Variants in TMEM117 observed in about 807,000 individuals in gnomAD.
TMEM117 encodes transmembrane protein 117.
Under a neutral mutation model 52.4 loss-of-function variants are expected in TMEM117, and 27 were observed. The ratio of observed to expected loss-of-function variants is 0.51; its 90% CI spans 0.38 to 0.71. TMEM117 has a LOEUF of 0.71. Ranked by LOEUF, TMEM117 falls within the 30% of genes least tolerant of loss-of-function variation. The pLI is 0.00. For missense variants in TMEM117, 556 were observed against 630.5 expected, an observed-to-expected ratio of 0.88 and a Z score of 1.26; for synonymous variants, 215 against 206.3, an observed-to-expected ratio of 1.04 and a Z score of -0.36.
At chr12:43,902,981 A>T (rs1226901609) in intron 2 of TMEM117, among the ~76,000 whole-genome samples, 1 of 152,090 alleles carries the variant, frequency 6.6e-6, no homozygotes, top group Non-Finnish European at 1.5e-5. Context: ...TTTCTGGTTG[A>T]CCTTTTCTGG....
chr12:44,245,710 A>C (rs1472001388), intron 5 of TMEM117, among the ~76,000 whole-genome samples: 1 of 151,990 alleles, frequency 6.6e-6, no homozygotes, highest in Non-Finnish European at 1.5e-5. Context: ...ATTTAAGGAA[A>C]AAGCTTAGGG....
At chr12:43,802,607 C>A in the TMEM117 span, 1 of 622,354 alleles carries the variant, frequency 1.6e-6, no homozygotes, top group Non-Finnish European at 2.8e-6. Context: ...AATGTGGTAA[C>A]ATAGAAAGTA....
At chr12:44,298,206 C>T (rs1950792731) in intron 5 of TMEM117, among the ~76,000 whole-genome samples, 1 of 150,464 alleles carries the variant, frequency 6.6e-6, no homozygotes, top group Non-Finnish European at 1.5e-5. Context: ...ACACTATGTA[C>T]AATTGAAAAG....
chr12:44,322,681 G>A (rs932797928), intron 6 of TMEM117, among the ~76,000 whole-genome samples: 1 of 152,062 alleles, frequency 6.6e-6, no homozygotes, highest in Admixed American at 6.6e-5. Flanking sequence ...TTTAATTTTA[G>A]TCTCACGATG....
chr12:43,984,261 G>A (rs531080852), intron 3 of TMEM117, among the ~76,000 whole-genome samples: 16 of 152,072 alleles, frequency 1.1e-4, no homozygotes, highest in Admixed American at 4.6e-4. Context: ...CCAGCTATTC[G>A]GGAGGCTGAG....
At chr12:44,061,596 A>G (rs868831484) in intron 3 of TMEM117, among the ~76,000 whole-genome samples, 3 of 152,122 alleles carry the variant, frequency 2.0e-5, no homozygotes, top group Non-Finnish European at 4.4e-5. Context: ...ATCCCCACAC[A>G]TTTCCGTAAC....
chr12:44,124,052 A>C (rs1400013144), intron 3 of TMEM117, among the ~76,000 whole-genome samples: 1 of 150,950 alleles, frequency 6.6e-6, no homozygotes, highest in Non-Finnish European at 1.5e-5. Context: ...TTTTTTTTCC[A>C]TTTGTTTTAG....
At chr12:44,374,616 T>TTGTGTG (rs5742462) in intron 6 of TMEM117, among the ~76,000 whole-genome samples, 5,951 of 144,836 alleles carry the variant, frequency 0.041, 123 homozygotes, top group Non-Finnish European at 0.046. Flanking sequence ...AAGGAACTAT[T>TTGTGTG]TGTGTGTGTG....
intron 2 of TMEM117, among the ~76,000 whole-genome samples, chr12:43,887,383 C>T (rs1944016094): frequency 6.6e-6 from 1 of 152,126 alleles, no homozygotes; most frequent in African/African-American, 2.4e-5. Context: ...GTGCAATGTA[C>T]ACAAAACTGA....
intron 5 of TMEM117, among the ~76,000 whole-genome samples, chr12:44,272,708 A>G (rs540901991): frequency 3.9e-5 from 6 of 152,336 alleles, no homozygotes; most frequent in Non-Finnish European, 7.3e-5. Context: ...GATCATTAAA[A>G]AGTCAGGAAA....
chr12:43,801,843 A>G, the TMEM117 span, among the ~76,000 whole-genome samples: 1 of 152,140 alleles, frequency 6.6e-6, no homozygotes, highest in Non-Finnish European at 1.5e-5. Flanking sequence ...CAGCCTGGGC[A>G]ACACAGTGAA....
chr12:43,947,663 C>A (rs1945154962), intron 3 of TMEM117, among the ~76,000 whole-genome samples: 1 of 152,214 alleles, frequency 6.6e-6, no homozygotes, highest in African/African-American at 2.4e-5. Flanking sequence ...GGATTCTTTA[C>A]ACTGAATCTC....
intron 6 of TMEM117, among the ~76,000 whole-genome samples, chr12:44,300,689 T>C (rs1254459184): frequency 1.3e-5 from 2 of 152,258 alleles, no homozygotes; most frequent in African/African-American, 2.4e-5. Context: ...AGGTTCAAGA[T>C]GGTTCTTTGA....
At chr12:44,248,359 A>G (rs1220013721) in intron 5 of TMEM117, 3 of 152,340 alleles carry the variant, frequency 2.0e-5, no homozygotes, top group Non-Finnish European at 4.4e-5. Context: ...GACATTGCTC[A>G]TCAAACACAG....
At chr12:43,979,850 G>A (rs1407567842) in intron 3 of TMEM117, among the ~76,000 whole-genome samples, 1 of 152,154 alleles carries the variant, frequency 6.6e-6, no homozygotes, top group Non-Finnish European at 1.5e-5. Flanking sequence ...ATAGGACTTT[G>A]AGAGAGCTAT....
At chr12:44,048,078 A>T (rs1056823999) in intron 3 of TMEM117, among the ~76,000 whole-genome samples, 1 of 152,026 alleles carries the variant, frequency 6.6e-6, no homozygotes, top group African/African-American at 2.4e-5. Context: ...AATTATTGAA[A>T]TTTTTTGTTT....
intron 5 of TMEM117, among the ~76,000 whole-genome samples, chr12:44,278,335 A>G (rs1202309669): frequency 2.0e-5 from 3 of 152,188 alleles, no homozygotes; most frequent in Non-Finnish European, 4.4e-5. Flanking sequence ...GGCAAGCAAC[A>G]TAGGTTTTTG....
At chr12:43,961,790 T>G (rs1376951447) in intron 3 of TMEM117, among the ~76,000 whole-genome samples, 2 of 152,192 alleles carry the variant, frequency 1.3e-5, no homozygotes, top group Non-Finnish European at 2.9e-5. Flanking sequence ...TTTAGATCTA[T>G]CTGAGTTCCT....
At chr12:44,115,046 C>CTAT (rs1172471921) in intron 3 of TMEM117, among the ~76,000 whole-genome samples, 6 of 152,162 alleles carry the variant, frequency 3.9e-5, no homozygotes, top group Non-Finnish European at 7.3e-5. Context: ...GAGCTGTATA[C>CTAT]ATGAACTATT....
Sources: gnomAD v4.1 joint callset for allele counts (sites outside exome capture counted in the v4.1 genomes callset) on GRCh38, gnomAD v4.1.1 for gene constraint, MANE v1.5 for transcripts, NCBI Gene and HGNC (gene_info 2026-07-23, HGNC 2026-07-21) for gene names.